Variants in RAB1A observed in about 807,000 individuals in gnomAD.
RAB1A encodes the protein RAB1A, member RAS oncogene family, also known as ras-related protein Rab-1A.
A neutral mutation model predicts 26.0 loss-of-function variants in RAB1A; 2 were observed. The ratio of observed to expected loss-of-function variants is 0.08; its 90% CI spans 0.03 to 0.24. RAB1A has a LOEUF of 0.24. Ranked by LOEUF, RAB1A falls within the 10% of genes least tolerant of loss-of-function variation. RAB1A has a pLI of 1.00. For synonymous variants in RAB1A, 84 were observed against 84.9 expected, an observed-to-expected ratio of 0.99 and a Z score of 0.06; for missense variants, 100 against 247.0, an observed-to-expected ratio of 0.40 and a Z score of 3.99.
At chr2:65,120,345 A>G (rs1193599751) in intron 1 of RAB1A, among the ~76,000 whole-genome samples, 1 of 151,612 alleles carries the variant, frequency 6.6e-6, no homozygotes, top group Non-Finnish European at 1.5e-5. Context: ...AATCCCAGCA[A>G]CTTCAGAGGC....
At chr2:65,105,664 T>C (rs1669538059) in intron 1 of RAB1A, among the ~76,000 whole-genome samples, 1 of 152,112 alleles carries the variant, frequency 6.6e-6, no homozygotes, top group Non-Finnish European at 1.5e-5. Flanking sequence ...GCCCATATTA[T>C]AAACTAGAAA....
At chr2:65,108,254 C>T (rs1356707415) in intron 1 of RAB1A, among the ~76,000 whole-genome samples, 7 of 148,802 alleles carry the variant, frequency 4.7e-5, no homozygotes, top group Admixed American at 6.7e-5. Context: ...CCCAGCTACT[C>T]GGGAGGCTGA....
intron 2 of RAB1A, among the ~76,000 whole-genome samples, chr2:65,099,530 G>T (rs921638294): frequency 1.3e-5 from 2 of 152,224 alleles, no homozygotes; most frequent in African/African-American, 4.8e-5. Context: ...AACTTCCTGT[G>T]ACAATGGAAA....
intron 1 of RAB1A, among the ~76,000 whole-genome samples, chr2:65,109,619 A>C (rs1669647812): frequency 6.6e-6 from 1 of 151,942 alleles, no homozygotes; most frequent in African/African-American, 2.4e-5. Flanking sequence ...CTAAGGCAGG[A>C]GAATCACTTG....
chr2:65,096,502 C>T (rs1402799180), intron 3 of RAB1A, among the ~76,000 whole-genome samples: 1 of 152,134 alleles, frequency 6.6e-6, no homozygotes, highest in South Asian at 2.1e-4. Context: ...CTTATAAACA[C>T]CAATGATCAC....
intron 1 of RAB1A, among the ~76,000 whole-genome samples, chr2:65,120,669 T>C (rs1669942078): frequency 6.6e-6 from 1 of 152,054 alleles, no homozygotes; most frequent in Non-Finnish European, 1.5e-5. Flanking sequence ...AAATGTTATA[T>C]GAGTATATAG....
chr2:65,114,760 G>A (rs1669784870), intron 1 of RAB1A, among the ~76,000 whole-genome samples: 1 of 152,034 alleles, frequency 6.6e-6, no homozygotes, highest in South Asian at 2.1e-4. Context: ...CAGGAGAATG[G>A]CGTGAACCCG....
chr2:65,110,315 C>T (rs1026128269), intron 1 of RAB1A, among the ~76,000 whole-genome samples: 2 of 151,994 alleles, frequency 1.3e-5, no homozygotes, highest in East Asian at 1.9e-4. Context: ...GCGGCACACG[C>T]CTGTAGTCCC....
intron 1 of RAB1A, among the ~76,000 whole-genome samples, 165 bp downstream of exon 1, chr2:65,129,728 G>C (rs561790762): frequency 2.0e-5 from 3 of 147,416 alleles, no homozygotes; most frequent in African/African-American, 7.7e-5. Context: ...CCGCCCCTCC[G>C]CGTCAGACAA....
intron 1 of RAB1A, among the ~76,000 whole-genome samples, chr2:65,121,728 C>G (rs1669967071): frequency 6.6e-6 from 1 of 152,172 alleles, no homozygotes; most frequent in Non-Finnish European, 1.5e-5. Flanking sequence ...TAATCTCAGC[C>G]CCACCTTCTA....
chr2:65,102,462 C>T (rs940246486), intron 2 of RAB1A, among the ~76,000 whole-genome samples: 4 of 151,968 alleles, frequency 2.6e-5, no homozygotes, highest in Non-Finnish European at 5.9e-5. Context: ...AAGTGGTAAA[C>T]TCTAAGTTTT....
chr2:65,111,976 A>T (rs1669709391), intron 1 of RAB1A, among the ~76,000 whole-genome samples: 2 of 151,782 alleles, frequency 1.3e-5, no homozygotes, highest in African/African-American at 4.8e-5. Context: ...TCAGCTACTC[A>T]GGAAGCTGAG....
intron 1 of RAB1A, among the ~76,000 whole-genome samples, chr2:65,109,058 C>G (rs79392419): frequency 6.6e-6 from 1 of 152,146 alleles, no homozygotes; most frequent in Non-Finnish European, 1.5e-5. Flanking sequence ...ATCAGTGACA[C>G]GTTAACTTGC....
At chr2:65,095,667 G>A (rs950347411) in intron 3 of RAB1A, among the ~76,000 whole-genome samples, 3 of 151,296 alleles carry the variant, frequency 2.0e-5, no homozygotes, top group Admixed American at 1.3e-4. Context: ...CCTAGCTGAA[G>A]TTATGTGTAA....
At chr2:65,089,950 G>A (rs1044540122) in intron 4 of RAB1A, among the ~76,000 whole-genome samples, 15 of 152,130 alleles carry the variant, frequency 9.9e-5, no homozygotes, top group African/African-American at 3.4e-4. Flanking sequence ...TGATCCGCCC[G>A]CCTCGGCCTC....
intron 1 of RAB1A, among the ~76,000 whole-genome samples, chr2:65,122,390 T>TA (rs1189829874): frequency 0.065 from 1,727 of 26,492 alleles, 13 homozygotes; most frequent in Non-Finnish European, 0.081. Flanking sequence ...CTACAAAAAA[T>TA]ACAAAAAAAA....
intron 3 of RAB1A, among the ~76,000 whole-genome samples, chr2:65,092,945 C>T (rs1336965580): frequency 6.6e-6 from 1 of 152,240 alleles, no homozygotes; most frequent in African/African-American, 2.4e-5. Context: ...ACTTCCTTCA[C>T]ACTCTCTCGC....
intron 1 of RAB1A, among the ~76,000 whole-genome samples, chr2:65,112,821 C>T (rs1669732711): frequency 6.6e-6 from 1 of 152,148 alleles, no homozygotes; most frequent in Admixed American, 6.5e-5. Flanking sequence ...TTTTGGTCTA[C>T]TTTCGCAATA....
intron 1 of RAB1A, among the ~76,000 whole-genome samples, chr2:65,108,167 G>A (rs1669607098): frequency 6.6e-6 from 1 of 151,456 alleles, no homozygotes; most frequent in Admixed American, 6.6e-5. Flanking sequence ...TTCGAGACCA[G>A]CCAGGCCAAC....
Sources: allele counts gnomAD v4.1 joint callset (sites outside exome capture counted in the v4.1 genomes callset), GRCh38; gene constraint gnomAD v4.1.1; transcripts MANE v1.5; gene names NCBI Gene and HGNC (gene_info 2026-07-23, HGNC 2026-07-21).